CLEC16A: variants seen among roughly 807,000 people sequenced by gnomAD.
CLEC16A encodes the protein protein CLEC16A.
CLEC16A carries 51 observed loss-of-function variants against 109.5 expected under a neutral mutation model. The ratio of observed to expected loss-of-function variants is 0.47; its 90% CI spans 0.37 to 0.59. The LOEUF (loss-of-function observed/expected upper bound fraction) is 0.59. Among genes scored for constraint, CLEC16A ranks in the 20% least tolerant of loss-of-function variants. The pLI is 0.00. For synonymous variants in CLEC16A, 673 were observed against 564.2 expected, an observed-to-expected ratio of 1.19 and a Z score of -2.73; for missense variants, 1,339 against 1,394.0, an observed-to-expected ratio of 0.96 and a Z score of 0.63.
At chr16:10,995,993 C>T (rs1010081662) in intron 10 of CLEC16A, among the ~76,000 whole-genome samples, 1 of 152,118 alleles carries the variant, frequency 6.6e-6, no homozygotes, top group Non-Finnish European at 1.5e-5. Context: ...CCTGGAATCT[C>T]TCCTTCCTTT....
chr16:10,945,236 T>G (rs1453862875), intron 1 of CLEC16A, among the ~76,000 whole-genome samples: 1 of 151,960 alleles, frequency 6.6e-6, no homozygotes, highest in Non-Finnish European at 1.5e-5. Flanking sequence ...GTAAAAAGAG[T>G]AGAGTGACAG....
intron 11 of CLEC16A, among the ~76,000 whole-genome samples, chr16:11,010,549 T>C (rs1390988221): frequency 6.6e-6 from 1 of 152,198 alleles, no homozygotes; most frequent in Non-Finnish European, 1.5e-5. Flanking sequence ...GTATTTTCTC[T>C]GTCTGCACAC....
At chr16:11,172,836 C>T (rs1195165836) in intron 23 of CLEC16A, among the ~76,000 whole-genome samples, 1 of 152,164 alleles carries the variant, frequency 6.6e-6, no homozygotes, top group East Asian at 1.9e-4. Context: ...TTGCAGTGAG[C>T]CGAGATCATG....
chr16:11,050,848 A>T (rs546845762), intron 17 of CLEC16A, among the ~76,000 whole-genome samples: 2 of 152,284 alleles, frequency 1.3e-5, no homozygotes, highest in African/African-American at 4.8e-5. Context: ...ATATTATCCC[A>T]GGTAAGATGT....
At chr16:11,058,309 C>T (rs1301877298) in intron 18 of CLEC16A, among the ~76,000 whole-genome samples, 1 of 152,194 alleles carries the variant, frequency 6.6e-6, no homozygotes, top group Non-Finnish European at 1.5e-5. Flanking sequence ...AGGGCTCCCC[C>T]AAGGATACCA....
intron 22 of CLEC16A, among the ~76,000 whole-genome samples, chr16:11,152,280 A>G (rs1046335026): frequency 6.6e-6 from 1 of 152,264 alleles, no homozygotes; most frequent in East Asian, 1.9e-4. Flanking sequence ...ACGAGTGCTC[A>G]TAACCAGCTC....
At chr16:11,126,202 G>T in intron 22 of CLEC16A, 56 bp downstream of exon 22, 1 of 1,607,874 alleles carries the variant, frequency 6.2e-7, no homozygotes, top group Non-Finnish European at 8.5e-7. Context: ...GGCGTTCAAG[G>T]TCTTTCTCTC....
intron 22 of CLEC16A, among the ~76,000 whole-genome samples, chr16:11,139,975 T>C (rs2053746916): frequency 6.6e-6 from 1 of 152,228 alleles, no homozygotes; most frequent in Non-Finnish European, 1.5e-5. Context: ...AGTCCTACTT[T>C]TATAGCTGGG....
At chr16:10,947,838 A>G (rs1453363436) in intron 1 of CLEC16A, among the ~76,000 whole-genome samples, 1 of 152,172 alleles carries the variant, frequency 6.6e-6, no homozygotes, top group Non-Finnish European at 1.5e-5. Context: ...AAGATAGTTA[A>G]AAGAATTATT....
chr16:11,091,059 C>G (rs2050277499), intron 19 of CLEC16A, among the ~76,000 whole-genome samples: 1 of 152,124 alleles, frequency 6.6e-6, no homozygotes, highest in African/African-American at 2.4e-5. Context: ...CTTGGCCTCC[C>G]AAGGTGTTGG....
intron 11 of CLEC16A, among the ~76,000 whole-genome samples, chr16:11,006,882 T>C (rs2045054335): frequency 7.2e-6 from 1 of 138,640 alleles, no homozygotes; most frequent in Non-Finnish European, 1.6e-5. Context: ...AATGGGTGAC[T>C]CATTCTGCAA....
chr16:11,039,755 C>T lies in CLEC16A; in HGVS notation c.1539C>T (p.Gly513=). ...TTACATCCTTCTCCTCTGTTCCAGG[C>T]ATGGATCCTGAAAAATTAGAGCGAA... ...CLLYAMSHNK[G]MDPEKLERIQ... The change falls in exon 14 of 24, where the codon GGC becomes GGT. Residue 513 remains glycine, a splice_region_variant and synonymous_variant. Coordinates refer to ENST00000409790, the MANE Select transcript of CLEC16A (RefSeq NM_015226.3). 1 of 1,597,836 alleles carries T rather than the reference C, an allele frequency of 6.3e-7. No homozygotes were observed. Among genetic ancestry groups the T allele is most frequent in the Non-Finnish European group, 8.5e-7 (1 of 1,172,226 alleles).
intron 19 of CLEC16A, among the ~76,000 whole-genome samples, chr16:11,117,148 T>C (rs1002010243): frequency 2.0e-5 from 3 of 152,144 alleles, no homozygotes; most frequent in Non-Finnish European, 4.4e-5. Flanking sequence ...GACATAAAGA[T>C]GGCAGCGATA....
At chr16:11,082,834 G>A (rs1289723894) in intron 19 of CLEC16A, among the ~76,000 whole-genome samples, 2 of 152,212 alleles carry the variant, frequency 1.3e-5, no homozygotes, top group Non-Finnish European at 2.9e-5. Context: ...TTAGTTGTGT[G>A]TGGGCGTGGG....
chr16:11,175,300 C>T (rs1045050706), intron 23 of CLEC16A, among the ~76,000 whole-genome samples: 3 of 152,206 alleles, frequency 2.0e-5, no homozygotes, highest in Admixed American at 6.5e-5. Flanking sequence ...CTTATGGAAA[C>T]GTGGCCTTCC....
At chr16:11,110,144 G>A (rs1299067539) in intron 19 of CLEC16A, among the ~76,000 whole-genome samples, 1 of 152,210 alleles carries the variant, frequency 6.6e-6, no homozygotes, top group South Asian at 2.1e-4. Context: ...ACAGTTGATT[G>A]AGCAGTCCCT....
At position 10,962,600 on chromosome 16, in the gene CLEC16A, C is replaced by A; in HGVS notation, c.343+12C>A. 6.2e-7 allele frequency: 1 copy of A among 1,613,384 alleles called. No individual in the cohort carries two copies. The highest frequency in any genetic ancestry group is 1.7e-5 in the Admixed American group (1 of 59,992). On this transcript the variant is annotated intron_variant, in intron 3 of 23. Transcript: ENST00000409790. The stretch of plus-strand genomic sequence containing the variant: ...CGAGACCTCACTTTGTAAGGACATT[C>A]CTTGGTATTTGCCTCTGTGCTGCTG...
chr16:10,978,264 G>A (rs1466188587), intron 8 of CLEC16A, among the ~76,000 whole-genome samples: 2 of 152,166 alleles, frequency 1.3e-5, no homozygotes, highest in African/African-American at 4.8e-5. Flanking sequence ...TGTGCTGCTG[G>A]TTCTCAGGGC....
At chr16:11,005,739 G>T (rs2044962837) in intron 11 of CLEC16A, among the ~76,000 whole-genome samples, 1 of 152,188 alleles carries the variant, frequency 6.6e-6, no homozygotes, top group Non-Finnish European at 1.5e-5. Context: ...CTGCACAGCT[G>T]TTAATTCCTG....
Sources: gnomAD v4.1 joint callset for allele counts (sites outside exome capture counted in the v4.1 genomes callset) on GRCh38, gnomAD v4.1.1 for gene constraint, MANE v1.5 for transcripts, NCBI Gene and HGNC (gene_info 2026-07-23, HGNC 2026-07-21) for gene names.